SPIDR: variants seen among roughly 807,000 people sequenced by gnomAD.
SPIDR encodes DNA repair-scaffolding protein.
A neutral mutation model predicts 104.6 loss-of-function variants in SPIDR; 93 were observed. The ratio of observed to expected loss-of-function variants is 0.89; its 90% confidence interval spans 0.75 to 1.06. SPIDR has a LOEUF of 1.06. Among genes scored for constraint, SPIDR ranks in the 50% least tolerant of loss-of-function variants. The probability of loss-of-function intolerance (pLI) is 0.00; values close to 1 mark genes in which losing one functional copy is unlikely to be tolerated. For synonymous variants in SPIDR, 431 were observed against 416.9 expected, an observed-to-expected ratio of 1.03 and a Z score of -0.41; for missense variants, 1,154 against 1,111.2, an observed-to-expected ratio of 1.04 and a Z score of -0.55.
rs759627888 is a variant in SPIDR at position 47,712,821 on chromosome 8, G to T, written c.2137G>T (p.Ala713Ser). 1.9e-6 allele frequency: 3 copies of T among 1,614,082 alleles called. No individual in the cohort carries two copies. The highest frequency in any genetic ancestry group is 4.5e-5 in the East Asian group (2 of 44,880). The change falls in exon 15 of 20, where the codon GCT (alanine) becomes TCT (serine). Residue 713 changes from alanine (A) to serine (S), a missense_variant. Physicochemically the swap from Ala to Ser is moderately conservative, Grantham distance 99. Transcript: ENST00000297423. ...GGGCTCTGAAGTCCTGGAGGCACTC[G>T]CTGGGGCTGCCCCTCACAGCCTCTT... is the stretch of plus-strand genomic sequence containing the variant. ...VLGSEVLEAL[A>S]GAAPHSLFFK...
intron 5 of SPIDR, among the ~76,000 whole-genome samples, chr8:47,344,907 A>G (rs2051570394): frequency 6.6e-6 from 1 of 152,104 alleles, no homozygotes; most frequent in Non-Finnish European, 1.5e-5. Flanking sequence ...ATTTTCTCCC[A>G]TTCTATAGGT....
intron 8 of SPIDR, among the ~76,000 whole-genome samples, chr8:47,577,563 G>A (rs2059262094): frequency 6.6e-6 from 1 of 152,180 alleles, no homozygotes; most frequent in African/African-American, 2.4e-5. Context: ...ACCAAATGCA[G>A]ATCAAAATAC....
Position 47,716,552 on chromosome 8 carries a change from A to G in SPIDR, c.2341+2911A>G, listed in dbSNP as rs374632503. On this transcript the variant is annotated intron_variant, in intron 16 of 19. Transcript: ENST00000297423. ...AATAGGGCTAACGGAATCAGCCTCA[A>G]AACACTGTTGAGAATTAAATGAGAT... 1.4e-4 allele frequency among the ~76,000 whole-genome samples: 22 copies of G among 152,292 alleles called. No homozygotes were observed. The East Asian group carries it at 4.2e-3, about 29-fold the overall frequency.
chr8:47,626,424 A>C (rs569771238), intron 10 of SPIDR, among the ~76,000 whole-genome samples: 1 of 152,348 alleles, frequency 6.6e-6, no homozygotes, highest in Admixed American at 6.5e-5. Context: ...TGCACAGCAA[A>C]AGAAACTACC....
Position 47,565,985 on chromosome 8 carries a change from TATATATA to T in SPIDR, c.1098-29825_1098-29819del, listed in dbSNP as rs199779167. ...ATATTTATACTCATATATATATATA[TATATATA>T]TTTTTTTTTTTTTTTTTTTTTTTTT... On this transcript the variant is annotated intron_variant, in intron 8 of 19. Transcript: ENST00000297423. Among the ~76,000 whole-genome samples the T allele has an allele frequency of 6.6e-3, 323 of 48,858 alleles. 5 individuals are homozygous for T. The highest frequency in any genetic ancestry group is 0.014 in the Non-Finnish European group (271 of 19,332). 32.1% of individuals were successfully genotyped at this position (48,858 alleles called of 152,430 possible).
intron 5 of SPIDR, among the ~76,000 whole-genome samples, chr8:47,303,411 G>T (rs587654584): frequency 1.3e-5 from 2 of 152,280 alleles, no homozygotes; most frequent in Admixed American, 1.3e-4. Context: ...GTGATGCCTC[G>T]CCCTGCTTCG....
intron 8 of SPIDR, among the ~76,000 whole-genome samples, chr8:47,539,975 G>A (rs1172436899): frequency 1.3e-5 from 2 of 152,114 alleles, no homozygotes; most frequent in Admixed American, 1.3e-4. Context: ...CTGTGGCCCT[G>A]AGAGACAGCA....
At chr8:47,518,327 T>C (rs2083465450) in intron 8 of SPIDR, among the ~76,000 whole-genome samples, 1 of 152,252 alleles carries the variant, frequency 6.6e-6, no homozygotes. Flanking sequence ...CTCCATTTAA[T>C]TGGCTACAAC....
intron 16 of SPIDR, among the ~76,000 whole-genome samples, chr8:47,720,138 TCC>T (rs2083189233): frequency 6.6e-6 from 1 of 152,218 alleles, no homozygotes; most frequent in Non-Finnish European, 1.5e-5. Flanking sequence ...TTAGCTTATT[TCC>T]GTTAGCAATA....
At chr8:47,328,594 C>T (rs2048109152) in intron 5 of SPIDR, among the ~76,000 whole-genome samples, 1 of 152,032 alleles carries the variant, frequency 6.6e-6, no homozygotes, top group Non-Finnish European at 1.5e-5. Context: ...GTTGTCCCAG[C>T]ACCATTTGTT....
intron 8 of SPIDR, among the ~76,000 whole-genome samples, chr8:47,483,379 G>A (rs1034026516): frequency 1.1e-4 from 16 of 152,204 alleles, no homozygotes; most frequent in East Asian, 7.7e-4. Flanking sequence ...GGTAAGATAC[G>A]CAGTCTGTCC....
At position 47,527,674 on chromosome 8, in the gene SPIDR, G is replaced by A. The variant is rs1373379006; in HGVS notation, c.1098-68137G>A. 3.9e-5 allele frequency: 6 copies of A among 152,312 alleles called. No individual in the cohort carries two copies. The East Asian group carries it at 1.2e-3, about 29-fold the overall frequency. The allele number at this position is 152,312 out of a possible 1,614,324, so 9.4% of individuals were successfully genotyped here. A position where few individuals can be genotyped will look rare whatever the true frequency, so the allele number is the denominator to read the frequency against. On this transcript the variant is annotated intron_variant, in intron 8 of 19. Coordinates refer to ENST00000297423, the MANE Select transcript of SPIDR (RefSeq NM_001080394.4). ...GTAGCCTCTGTAGGTGTTGGCCTTG[G>A]CGACCAGCTTGGGATCAGTATGGTT...
At chr8:47,305,449 CAG>C (rs370087750) in intron 5 of SPIDR, among the ~76,000 whole-genome samples, 2,739 of 151,962 alleles carry the variant, frequency 0.018, 80 homozygotes, top group African/African-American at 0.064. Context: ...TTTTATGAAA[CAG>C]ATATTTTGTT....
chr8:47,647,677 GGAGA>G (rs140899135), intron 10 of SPIDR, among the ~76,000 whole-genome samples: 86 of 69,600 alleles, frequency 1.2e-3, no homozygotes, highest in South Asian at 2.0e-3. Context: ...AGGGAGAGAG[GGAGA>G]GAGAGAGAGA....
At chr8:47,704,003 C>G (rs1047221849) in intron 14 of SPIDR, among the ~76,000 whole-genome samples, 3 of 152,194 alleles carry the variant, frequency 2.0e-5, no homozygotes, top group Non-Finnish European at 4.4e-5. Context: ...TATGAAAGTA[C>G]TTTAAGGCTT....
intron 11 of SPIDR, among the ~76,000 whole-genome samples, chr8:47,685,185 G>A (rs1320855488): frequency 6.6e-6 from 1 of 151,962 alleles, no homozygotes; most frequent in Non-Finnish European, 1.5e-5. Flanking sequence ...ACTCCAGCCT[G>A]GGCAACAAGA....
At chr8:47,304,627 A>C (rs1324638616) in intron 5 of SPIDR, among the ~76,000 whole-genome samples, 1 of 152,152 alleles carries the variant, frequency 6.6e-6, no homozygotes, top group Non-Finnish European at 1.5e-5. Flanking sequence ...AAGTGCCTGC[A>C]CCCACTTTGC....
chr8:47,713,276 G>A (rs1411265984), intron 15 of SPIDR: 3 of 662,114 alleles, frequency 4.5e-6, no homozygotes, highest in Admixed American at 5.8e-5. Context: ...AATTTACCCT[G>A]TGTGGATTGA....
chr8:47,613,449 A>G (rs1312261395), intron 10 of SPIDR, among the ~76,000 whole-genome samples: 2 of 152,202 alleles, frequency 1.3e-5, no homozygotes, highest in Admixed American at 6.5e-5. Context: ...TAATGTTGCT[A>G]CGAACATCTG....
Sources: gnomAD v4.1 joint callset for allele counts (sites outside exome capture counted in the v4.1 genomes callset) on GRCh38, gnomAD v4.1.1 for gene constraint, MANE v1.5 for transcripts, NCBI Gene and HGNC (gene_info 2026-07-23, HGNC 2026-07-21) for gene names.